The following PSD3 variants were observed in gnomAD, a reference collection of about 807,000 sequenced individuals.
PSD3 encodes the protein PH and SEC7 domain-containing protein 3.
A neutral mutation model predicts 105.5 loss-of-function variants in PSD3; 49 were observed. The ratio of observed to expected loss-of-function variants is 0.46; its 90% confidence interval spans 0.37 to 0.59. The LOEUF (loss-of-function observed/expected upper bound fraction) is 0.59, where lower values mean the gene tolerates loss of function less well. Ranked by LOEUF, PSD3 falls within the 20% of genes least tolerant of loss-of-function variation. PSD3 has a pLI of 0.00. For missense variants in PSD3, 1,561 were observed against 1,263.8 expected, an observed-to-expected ratio of 1.24 and a Z score of -3.57; for synonymous variants, 557 against 457.8, an observed-to-expected ratio of 1.22 and a Z score of -2.77.
At chr8:18,771,492 A>T (rs969798080) in intron 8 of PSD3, among the ~76,000 whole-genome samples, 5 of 152,334 alleles carry the variant, frequency 3.3e-5, no homozygotes, top group South Asian at 4.1e-4. Context: ...ATATTTAGAT[A>T]TTTGACCCAT....
chr8:18,652,538 C>A (rs1333212938), intron 10 of PSD3, among the ~76,000 whole-genome samples: 2 of 132,056 alleles, frequency 1.5e-5, no homozygotes, highest in East Asian at 4.7e-4. Flanking sequence ...CACTCTGTCA[C>A]CCAGGCTGGG....
rs371473289 is a variant in PSD3, at chr8:18,828,067, A to ATATATTT, written c.1635-23170_1635-23169insAAATATA. Among the ~76,000 whole-genome samples the ATATATTT allele has an allele frequency of 1.9e-3, 228 of 118,872 alleles. 1 individual carries two copies. Among genetic ancestry groups the ATATATTT allele is most frequent in the African/African-American group, 7.1e-3 (202 of 28,428 alleles). 78.0% of individuals were successfully genotyped at this position (118,872 alleles called of 152,430 possible). On this transcript the variant is annotated intron_variant, in intron 4 of 15. Coordinates refer to ENST00000327040, the MANE Select transcript of PSD3 (RefSeq NM_015310.4). The stretch of plus-strand genomic sequence containing the variant: ...TATATGTATATATATATATATATAT[A>ATATATTT]TTTTTTTTTTTTTACAAAAAAAATG...
chr8:18,945,797 G>A (rs1321230440), intron 1 of PSD3, among the ~76,000 whole-genome samples: 2 of 152,174 alleles, frequency 1.3e-5, no homozygotes, highest in Admixed American at 1.3e-4. Context: ...TCAACATGGT[G>A]AAACCCCATC....
intron 10 of PSD3, among the ~76,000 whole-genome samples, chr8:18,643,892 T>A (rs1475274670): frequency 6.6e-6 from 1 of 152,194 alleles, no homozygotes; most frequent in African/African-American, 2.4e-5. Context: ...GCTGCTAAGG[T>A]TTATGGCTTG....
chr8:18,652,493 G>GT (rs67555804), intron 10 of PSD3, among the ~76,000 whole-genome samples: 33,058 of 92,324 alleles, frequency 0.36, 8,308 homozygotes, highest in Non-Finnish European at 0.48. Flanking sequence ...AAAAAGCTTA[G>GT]TTTTTTTTTT....
intron 10 of PSD3, among the ~76,000 whole-genome samples, chr8:18,652,478 CA>C (rs1360351994): frequency 7.3e-6 from 1 of 137,068 alleles, no homozygotes; most frequent in Non-Finnish European, 1.6e-5. Flanking sequence ...ACACTTTTAT[CA>C]AGGAAAAAGC....
chr8:18,668,311 A>C (rs958737948), intron 9 of PSD3, among the ~76,000 whole-genome samples: 6 of 152,230 alleles, frequency 3.9e-5, no homozygotes, highest in African/African-American at 1.4e-4. Context: ...CAAAATTTCC[A>C]ATTTTTGATT....
intron 2 of PSD3, among the ~76,000 whole-genome samples, chr8:18,921,182 A>G (rs544002185): frequency 1.3e-4 from 20 of 152,310 alleles, no homozygotes; most frequent in African/African-American, 1.9e-4. Context: ...TCTTCTCACT[A>G]TTAGTATTCA....
At chr8:19,027,749 T>G (rs1827608857) in intron 1 of PSD3, among the ~76,000 whole-genome samples, 1 of 152,224 alleles carries the variant, frequency 6.6e-6, no homozygotes, top group Non-Finnish European at 1.5e-5. Flanking sequence ...GCTTTTGAGA[T>G]TCATCCATAT....
intron 4 of PSD3, 109 bp from the exon 5 acceptor site, chr8:18,805,007 G>A: frequency 2.1e-6 from 2 of 936,078 alleles, no homozygotes; most frequent in East Asian, 2.5e-5. Context: ...ACACTTAGAT[G>A]AGATCACTGT....
chr8:19,011,561 C>T (rs948361711), intron 1 of PSD3, among the ~76,000 whole-genome samples: 1 of 151,890 alleles, frequency 6.6e-6, no homozygotes, highest in Non-Finnish European at 1.5e-5. Context: ...TCCAAATTCC[C>T]AAGATTTACT....
chr8:18,944,193 G>T (rs1470012216), intron 1 of PSD3, among the ~76,000 whole-genome samples: 1 of 152,184 alleles, frequency 6.6e-6, no homozygotes, highest in East Asian at 1.9e-4. Context: ...AGTGGCACAT[G>T]CTTTCACTTT....
rs1006911623 is a variant in PSD3, at chr8:18,583,945, T to G, written c.2482-8660A>C. On this transcript the variant is annotated intron_variant, in intron 12 of 15. Coordinates refer to ENST00000327040, the MANE Select transcript of PSD3 (RefSeq NM_015310.4). The stretch of plus-strand genomic sequence containing the variant: ...TTATTGACTTGCTTCCTAGGTAAAT[T>G]TATGGCCCTCTGTATCAGAAAGGTA... Among the ~76,000 whole-genome samples, 3 of 152,248 alleles carry G rather than the reference T, an allele frequency of 2.0e-5. No homozygotes were observed. The South Asian group carries it at 6.2e-4, about 32-fold the overall frequency.
chr8:18,838,435 T>C (rs1330225261), intron 4 of PSD3, among the ~76,000 whole-genome samples: 2 of 152,194 alleles, frequency 1.3e-5, no homozygotes, highest in Admixed American at 1.3e-4. Flanking sequence ...AGTAAATGTA[T>C]CCTGTCCTCT....
upstream of PSD3, among the ~76,000 whole-genome samples, chr8:19,015,840 G>T (rs1827162624): frequency 6.6e-6 from 1 of 152,206 alleles, no homozygotes; most frequent in African/African-American, 2.4e-5. Flanking sequence ...CCACAGAAAT[G>T]TGTTTCCAAT....
At chr8:18,898,173 T>C (rs1271674041) in intron 2 of PSD3, among the ~76,000 whole-genome samples, 5 of 152,228 alleles carry the variant, frequency 3.3e-5, no homozygotes, top group East Asian at 1.9e-4. Context: ...GTTTTCTGTA[T>C]AGATGATCTA....
intron 1 of PSD3, among the ~76,000 whole-genome samples, chr8:18,971,696 C>T (rs1044989365): frequency 1.2e-4 from 19 of 152,026 alleles, no homozygotes; most frequent in African/African-American, 4.3e-4. Context: ...TCGGAGGGTC[C>T]CTTCCTGTTC....
chr8:18,576,850 T>C (rs966989248), intron 12 of PSD3, among the ~76,000 whole-genome samples: 2 of 151,966 alleles, frequency 1.3e-5, no homozygotes, highest in South Asian at 2.1e-4. Context: ...CACCTAATGA[T>C]TGAGTTTGCA....
chr8:18,753,680 T>C (rs577303485), intron 9 of PSD3, among the ~76,000 whole-genome samples: 1 of 152,264 alleles, frequency 6.6e-6, no homozygotes, highest in East Asian at 1.9e-4. Context: ...TTATCCTACA[T>C]TAGCGCATTT....
Sources: gnomAD v4.1 joint callset for allele counts (sites outside exome capture counted in the v4.1 genomes callset) on GRCh38, gnomAD v4.1.1 for gene constraint, MANE v1.5 for transcripts, NCBI Gene and HGNC (gene_info 2026-07-23, HGNC 2026-07-21) for gene names.